RALGPS1: variants seen among roughly 807,000 people sequenced by gnomAD.
RALGPS1 encodes Ral GEF with PH domain and SH3 binding motif 1.
Under a neutral mutation model 78.8 loss-of-function variants are expected in RALGPS1, and 19 were observed. The ratio of observed to expected loss-of-function variants is 0.24; its 90% CI spans 0.17 to 0.35. The LOEUF (loss-of-function observed/expected upper bound fraction) is 0.35, where lower values mean the gene tolerates loss of function less well. RALGPS1 is among the 10% of genes least tolerant of loss of function. RALGPS1 has a pLI of 1.00. For missense variants in RALGPS1, 454 were observed against 688.3 expected (o/e 0.66, Z 3.81); for synonymous variants, 228 against 256.3 (o/e 0.89, Z 1.06).
intron 1 of RALGPS1, among the ~76,000 whole-genome samples, chr9:126,916,207 G>A (rs1725588151): frequency 2.0e-5 from 3 of 152,190 alleles, no homozygotes; most frequent in Admixed American, 2.0e-4. Context: ...CTAGTTAAGA[G>A]GTGAGACTAG....
chr9:127,134,791 A>G (rs189416205), intron 8 of RALGPS1, among the ~76,000 whole-genome samples: 50 of 152,326 alleles, frequency 3.3e-4, no homozygotes, highest in Non-Finnish European at 6.8e-4. Flanking sequence ...TATTTTTAAA[A>G]ACTCATAGCT....
At chr9:127,195,394 G>A (rs1005301197) in intron 12 of RALGPS1, among the ~76,000 whole-genome samples, 177 bp downstream of exon 12, 2 of 152,218 alleles carry the variant, frequency 1.3e-5, no homozygotes, top group African/African-American at 4.8e-5. Context: ...GTGAGCTTGG[G>A]AGGAGCTGAG....
chr9:127,090,268 C>T (rs1236343282), intron 8 of RALGPS1, among the ~76,000 whole-genome samples: 1 of 152,234 alleles, frequency 6.6e-6, no homozygotes, highest in Non-Finnish European at 1.5e-5. Context: ...GAGTTTGGAT[C>T]ATAGAATACA....
At chr9:127,109,587 G>A (rs752113697) in intron 8 of RALGPS1, among the ~76,000 whole-genome samples, 9 of 152,200 alleles carry the variant, frequency 5.9e-5, no homozygotes, top group Non-Finnish European at 1.2e-4. Flanking sequence ...TAAGTTAGAA[G>A]GGAGCAGAAC....
chr9:127,140,990 T>G (rs1588133131), intron 8 of RALGPS1, among the ~76,000 whole-genome samples: 1 of 151,074 alleles, frequency 6.6e-6, no homozygotes, highest in East Asian at 1.9e-4. Context: ...TAGCAGGGAG[T>G]TGGGGGTAGG....
At chr9:127,050,000 T>C in intron 5 of RALGPS1, 43 bp from the exon 6 acceptor site, 2 of 1,459,480 alleles carry the variant, frequency 1.4e-6, no homozygotes, top group Middle Eastern at 1.7e-4. Flanking sequence ...TTAACAACTT[T>C]TCTGGTGTGT....
At chr9:127,215,414 G>T (rs542592753) in intron 18 of RALGPS1, among the ~76,000 whole-genome samples, 1 of 152,364 alleles carries the variant, frequency 6.6e-6, no homozygotes, top group East Asian at 1.9e-4. Context: ...GCCGTCCCAC[G>T]AAGGGTGTTA....
intron 4 of RALGPS1, among the ~76,000 whole-genome samples, chr9:126,999,241 C>T (rs1405303284): frequency 6.6e-6 from 1 of 152,044 alleles, no homozygotes; most frequent in African/African-American, 2.4e-5. Context: ...TCTGTATCTC[C>T]TGACCCCGTA....
intron 1 of RALGPS1, among the ~76,000 whole-genome samples, chr9:126,929,020 A>G (rs1281790239): frequency 1.3e-5 from 2 of 152,132 alleles, no homozygotes; most frequent in Non-Finnish European, 2.9e-5. Flanking sequence ...TTGGTGGCAT[A>G]TTTCTATGGA....
chr9:127,002,640 C>T (rs1207437607), intron 4 of RALGPS1, among the ~76,000 whole-genome samples: 1 of 135,724 alleles, frequency 7.4e-6, no homozygotes, highest in African/African-American at 2.8e-5. Context: ...TATTCCCCTT[C>T]CTGTGTCCAT....
At chr9:127,045,665 C>T (rs2047683266) in intron 5 of RALGPS1, among the ~76,000 whole-genome samples, 1 of 150,400 alleles carries the variant, frequency 6.6e-6, no homozygotes, top group African/African-American at 2.4e-5. Flanking sequence ...TCATGTTTAG[C>T]TTAATACAGA....
intron 14 of RALGPS1, among the ~76,000 whole-genome samples, chr9:127,203,487 G>T (rs1309172965): frequency 1.3e-5 from 2 of 152,100 alleles, no homozygotes; most frequent in East Asian, 3.9e-4. Flanking sequence ...GGCACAGGCT[G>T]TAATACAGGT....
rs557475629 is a variant in RALGPS1 at position 127,036,938 on chromosome 9, C to T, written c.300+2424C>T. Among the ~76,000 whole-genome samples the T allele has an allele frequency of 3.3e-5, 5 of 152,244 alleles. 1 individual carries two copies. The East Asian group carries it at 5.8e-4, about 18-fold the overall frequency. On this transcript the variant is annotated intron_variant, in intron 5 of 18. Coordinates refer to ENST00000259351, the MANE Select transcript of RALGPS1 (RefSeq NM_014636.3). ...TTATGTGTGGACATTTATGGGTCTGCGGACAATAGACTGAGAAGCTGTGTC... is the reference window on the plus strand; with the variant it reads ...TTATGTGTGGACATTTATGGGTCTGTGGACAATAGACTGAGAAGCTGTGTC...
chr9:126,996,763 C>T (rs1401820207), intron 4 of RALGPS1, among the ~76,000 whole-genome samples: 54 of 150,696 alleles, frequency 3.6e-4, no homozygotes, highest in Admixed American at 4.0e-4. Context: ...CCTTGATGAA[C>T]ATTGATGCAA....
intron 14 of RALGPS1, among the ~76,000 whole-genome samples, chr9:127,209,541 G>A (rs940011384): frequency 2.4e-4 from 37 of 152,128 alleles, no homozygotes; most frequent in Non-Finnish European, 7.4e-5. Flanking sequence ...CCTGACACCC[G>A]TTAGGTTAGA....
At chr9:126,930,979 A>G (rs189332833) in intron 1 of RALGPS1, among the ~76,000 whole-genome samples, 2 of 152,354 alleles carry the variant, frequency 1.3e-5, no homozygotes, top group Admixed American at 1.3e-4. Flanking sequence ...AATGCAAAAT[A>G]ACAAAGACAT....
At chr9:127,072,267 C>A (rs558064866) in intron 8 of RALGPS1, among the ~76,000 whole-genome samples, 1 of 152,276 alleles carries the variant, frequency 6.6e-6, no homozygotes, top group African/African-American at 2.4e-5. Context: ...GGCTGGAGTG[C>A]AGTAGCATGA....
intron 2 of RALGPS1, among the ~76,000 whole-genome samples, chr9:126,964,688 C>T (rs1243398518): frequency 4.8e-5 from 7 of 146,988 alleles, no homozygotes; most frequent in Non-Finnish European, 1.1e-4. Context: ...GTATAGTAGA[C>T]TCATTTTAAA....
At chr9:127,006,578 C>T (rs554160992) in intron 4 of RALGPS1, among the ~76,000 whole-genome samples, 3 of 152,246 alleles carry the variant, frequency 2.0e-5, no homozygotes, top group South Asian at 2.1e-4. Context: ...ATTGAATGCT[C>T]GTTATGTGAC....
Sources: allele counts gnomAD v4.1 joint callset (sites outside exome capture counted in the v4.1 genomes callset), GRCh38; gene constraint gnomAD v4.1.1; transcripts MANE v1.5; gene names NCBI Gene and HGNC (gene_info 2026-07-23, HGNC 2026-07-21).